SUPT3H: variants seen among roughly 807,000 people sequenced by gnomAD.
SUPT3H encodes the protein transcription initiation protein SPT3 homolog.
Under a neutral mutation model 44.3 loss-of-function variants are expected in SUPT3H, and 44 were observed. That is an observed-to-expected ratio of 0.99 (90% CI 0.78 to 1.28). The LOEUF (loss-of-function observed/expected upper bound fraction) is 1.28. Among genes scored for constraint, SUPT3H ranks in the 50% most tolerant of loss-of-function variants. The probability of loss-of-function intolerance (pLI) is 0.00; values close to 1 mark genes in which losing one functional copy is unlikely to be tolerated. For synonymous variants in SUPT3H, 124 were observed against 125.6 expected (o/e 0.99, Z 0.09); for missense variants, 380 against 387.1 (o/e 0.98, Z 0.15).
At chr6:45,196,387 C>G (rs895516849) in intron 2 of SUPT3H, among the ~76,000 whole-genome samples, 1 of 151,868 alleles carries the variant, frequency 6.6e-6, no homozygotes, top group African/African-American at 2.4e-5. Context: ...AAATTGGCAA[C>G]AAAAATGCAG....
At chr6:45,343,018 A>C (rs1005422754) in intron 2 of SUPT3H, among the ~76,000 whole-genome samples, 1 of 152,228 alleles carries the variant, frequency 6.6e-6, no homozygotes, top group Non-Finnish European at 1.5e-5. Context: ...CAATTTCCTC[A>C]TCTGTAAAAA....
chr6:45,006,065 C>A (rs1418690165), intron 5 of SUPT3H, among the ~76,000 whole-genome samples: 1 of 151,858 alleles, frequency 6.6e-6, no homozygotes, highest in South Asian at 2.1e-4. Flanking sequence ...TACCCTTTAT[C>A]CTTCTATAAA....
chr6:44,881,246 T>TC (rs548458612), intron 10 of SUPT3H, among the ~76,000 whole-genome samples: 4,998 of 152,020 alleles, frequency 0.033, 114 homozygotes, highest in Non-Finnish European at 0.05. Flanking sequence ...CAATCCTAGT[T>TC]TGATAAAACA....
intron 10 of SUPT3H, among the ~76,000 whole-genome samples, chr6:44,886,750 C>T (rs529236670): frequency 6.6e-6 from 1 of 152,098 alleles, no homozygotes; most frequent in South Asian, 2.1e-4. Context: ...ATGACAGGAT[C>T]AAATTCACAC....
intron 2 of SUPT3H, among the ~76,000 whole-genome samples, chr6:45,321,027 G>A (rs1018233299): frequency 6.6e-6 from 1 of 151,970 alleles, no homozygotes; most frequent in Non-Finnish European, 1.5e-5. Context: ...ACAGATGCTT[G>A]TTTTGATCCT....
chr6:44,830,923 C>T (rs1368598332), intron 10 of SUPT3H, among the ~76,000 whole-genome samples: 4 of 143,634 alleles, frequency 2.8e-5, no homozygotes, highest in African/African-American at 1.1e-4. Context: ...CTTTTACGAT[C>T]AAGATAATGC....
chr6:44,954,140 T>C (rs1774749064), intron 8 of SUPT3H, among the ~76,000 whole-genome samples: 1 of 152,146 alleles, frequency 6.6e-6, no homozygotes, highest in Non-Finnish European at 1.5e-5. Flanking sequence ...AGACCCAGAA[T>C]TTGGTAAGTA....
intron 3 of SUPT3H, among the ~76,000 whole-genome samples, chr6:45,065,327 T>G (rs1237081717): frequency 7.5e-6 from 1 of 133,016 alleles, no homozygotes; most frequent in Non-Finnish European, 1.6e-5. Flanking sequence ...AGAGGGAAAT[T>G]TATAGCACTA....
At chr6:45,008,097 G>A (rs918908686) in intron 5 of SUPT3H, among the ~76,000 whole-genome samples, 5 of 151,712 alleles carry the variant, frequency 3.3e-5, no homozygotes, top group Admixed American at 1.3e-4. Context: ...TAGACATTTG[G>A]GCTATTTCCT....
intron 10 of SUPT3H, among the ~76,000 whole-genome samples, chr6:44,919,172 G>A (rs993662593): frequency 5.9e-5 from 9 of 152,090 alleles, no homozygotes; most frequent in Admixed American, 3.9e-4. Flanking sequence ...CTTTTTCAGG[G>A]GGCGTGGAAG....
chr6:44,905,469 G>A (rs1411645202), intron 10 of SUPT3H, among the ~76,000 whole-genome samples: 1 of 150,428 alleles, frequency 6.6e-6, no homozygotes, highest in East Asian at 1.9e-4. Context: ...ACCACAATGA[G>A]ATACCATCTC....
Position 45,181,156 on chromosome 6 carries a change from C to T in SUPT3H, c.102-75150G>A, listed in dbSNP as rs867430030. Among the ~76,000 whole-genome samples the T allele has an allele frequency of 3.2e-3, 438 of 136,286 alleles. 6 individuals carry two copies. Among genetic ancestry groups the T allele is most frequent in the African/African-American group, 9.0e-3 (321 of 35,600 alleles). 89.4% of individuals were successfully genotyped at this position (136,286 alleles called of 152,430 possible). A position where few individuals can be genotyped will look rare whatever the true frequency, so the allele number is the denominator to read the frequency against. On this transcript the variant is annotated intron_variant, in intron 2 of 10. Coordinates refer to ENST00000371459, the MANE Select transcript of SUPT3H (RefSeq NM_003599.4). Reference sequence around the variant, plus strand: ...GCCATCAGAGAAATGCAAATCAAAACCACAATGAGATACCATCTCACACCA... The same window carrying T: ...GCCATCAGAGAAATGCAAATCAAAATCACAATGAGATACCATCTCACACCA...
chr6:44,907,041 T>C (rs561302397), intron 10 of SUPT3H, among the ~76,000 whole-genome samples: 5 of 152,312 alleles, frequency 3.3e-5, no homozygotes, highest in Admixed American at 1.3e-4. Flanking sequence ...ATGATTAAGA[T>C]ACAATTCTTT....
intron 7 of SUPT3H, chr6:44,955,466 T>TG (rs1774970960): frequency 6.6e-6 from 1 of 152,194 alleles, no homozygotes; most frequent in Non-Finnish European, 1.5e-5. Context: ...TTCCCCCACT[T>TG]CCCTGGCGAC....
At chr6:45,135,831 C>G (rs1278664147) in intron 2 of SUPT3H, among the ~76,000 whole-genome samples, 1 of 152,170 alleles carries the variant, frequency 6.6e-6, no homozygotes, top group Non-Finnish European at 1.5e-5. Flanking sequence ...GTCCATGATA[C>G]TTTGATATAA....
chr6:45,013,291 C>T (rs1429330730), intron 5 of SUPT3H, among the ~76,000 whole-genome samples: 3 of 152,042 alleles, frequency 2.0e-5, no homozygotes, highest in Admixed American at 2.0e-4. Context: ...AGCTACCAGT[C>T]CCCTCTTAAT....
intron 10 of SUPT3H, among the ~76,000 whole-genome samples, chr6:44,883,209 T>A (rs189344583): frequency 6.6e-6 from 1 of 152,252 alleles, no homozygotes; most frequent in Admixed American, 6.5e-5. Context: ...AAAATCAATG[T>A]GCAAAAATCA....
chr6:45,070,804 T>C (rs1476999775), intron 3 of SUPT3H, among the ~76,000 whole-genome samples: 1 of 148,908 alleles, frequency 6.7e-6, no homozygotes, highest in African/African-American at 2.5e-5. Flanking sequence ...TTTTACAAAC[T>C]GGAGTGACGA....
intron 2 of SUPT3H, among the ~76,000 whole-genome samples, chr6:45,216,229 A>G (rs1452083905): frequency 2.0e-5 from 3 of 151,968 alleles, no homozygotes; most frequent in Non-Finnish European, 4.4e-5. Flanking sequence ...GATGGTAACT[A>G]CCATCTGGAA....
Sources: allele counts gnomAD v4.1 joint callset (sites outside exome capture counted in the v4.1 genomes callset), GRCh38; gene constraint gnomAD v4.1.1; transcripts MANE v1.5; gene names NCBI Gene and HGNC (gene_info 2026-07-23, HGNC 2026-07-21).